The following RBMS2 variants were observed in gnomAD, a reference collection of about 807,000 sequenced individuals.
The protein encoded by RBMS2 is RNA-binding motif, single-stranded-interacting protein 2.
A neutral mutation model predicts 58.4 loss-of-function variants in RBMS2; 38 were observed. The ratio of observed to expected loss-of-function variants is 0.65; its 90% CI spans 0.50 to 0.85. RBMS2 has a LOEUF of 0.85. Among genes scored for constraint, RBMS2 ranks in the 40% least tolerant of loss-of-function variants. The pLI, the probability that RBMS2 is intolerant of heterozygous loss-of-function variation, is 0.00. For synonymous variants in RBMS2, 151 were observed against 180.7 expected, an observed-to-expected ratio of 0.84 and a Z score of 1.32; for missense variants, 367 against 503.7, an observed-to-expected ratio of 0.73 and a Z score of 2.60.
intron 1 of RBMS2, among the ~76,000 whole-genome samples, chr12:56,543,142 G>A (rs919817716): frequency 2.1e-4 from 32 of 151,986 alleles, no homozygotes; most frequent in African/African-American, 7.0e-4. Context: ...CTAAGTGTTG[G>A]GATTACAGGC....
Position 56,587,069 on chromosome 12 carries a change from C to G in RBMS2, c.951+143C>G. Reference sequence around the variant, plus strand: ...TCACCTGAGGTCAGGAGTTCGAGACCAGCCTGGCCAACATGACAAAACCCT... The same window carrying G: ...TCACCTGAGGTCAGGAGTTCGAGACGAGCCTGGCCAACATGACAAAACCCT... On this transcript the variant is annotated intron_variant, in intron 10 of 13. Coordinates refer to ENST00000262031, the MANE Select transcript of RBMS2 (RefSeq NM_002898.4). The G allele has an allele frequency of 4.9e-6, 4 of 812,068 alleles. No homozygotes were observed. In the South Asian group the frequency reaches 6.2e-5, roughly 13 times the overall value. The allele number at this position is 812,068 out of a possible 1,614,324, so 50.3% of individuals were successfully genotyped here. A position where few individuals can be genotyped will look rare whatever the true frequency, so the allele number is the denominator to read the frequency against.
chr12:56,560,285 CTCTT>C (rs1880161178), intron 1 of RBMS2, among the ~76,000 whole-genome samples: 1 of 149,278 alleles, frequency 6.7e-6, no homozygotes, highest in African/African-American at 2.5e-5. Flanking sequence ...GAGACGGAGT[CTCTT>C]TCTGTTGCCC....
intron 1 of RBMS2, among the ~76,000 whole-genome samples, chr12:56,527,662 G>A (rs1872907945): frequency 1.3e-5 from 2 of 151,696 alleles, no homozygotes; most frequent in African/African-American, 4.8e-5. Context: ...AAACTTTAAT[G>A]GCTATATATT....
intron 2 of RBMS2, among the ~76,000 whole-genome samples, chr12:56,566,937 G>A (rs565171213): frequency 6.6e-6 from 1 of 152,342 alleles, no homozygotes; most frequent in Admixed American, 6.5e-5. Flanking sequence ...AAGAGCATTT[G>A]AGGAACTATT....
intron 9 of RBMS2, among the ~76,000 whole-genome samples, chr12:56,582,970 A>G (rs532709170): frequency 1.2e-3 from 178 of 152,226 alleles, no homozygotes; most frequent in African/African-American, 3.8e-3. Flanking sequence ...GGGTTTTAAC[A>G]AGCCCTCCAG....
intron 2 of RBMS2, among the ~76,000 whole-genome samples, chr12:56,564,041 CT>C (rs1047637949): frequency 5.4e-5 from 8 of 147,974 alleles, no homozygotes; most frequent in South Asian, 2.1e-4. Context: ...AGAGAAGAAT[CT>C]TTTTTTTTTA....
At chr12:56,562,366 C>G (rs780822882) in intron 1 of RBMS2, 51 bp from the exon 2 acceptor site, 2 of 1,512,838 alleles carry the variant, frequency 1.3e-6, no homozygotes, top group African/African-American at 1.4e-5. Flanking sequence ...TCCTCACTCT[C>G]CAACATGTAA....
chr12:56,589,147 C>G lies in RBMS2; in HGVS notation c.*14C>G. 1 of 1,553,406 alleles carries G rather than the reference C, an allele frequency of 6.4e-7. No homozygotes were observed. Among genetic ancestry groups the G allele is most frequent in the Non-Finnish European group, 8.7e-7 (1 of 1,147,800 alleles). ...GGCTTGTGCCTTCTTTAGGATTCCCCTCCCCATCTTTACTGAATAGAAATG... is the reference window on the plus strand; with the variant it reads ...GGCTTGTGCCTTCTTTAGGATTCCCGTCCCCATCTTTACTGAATAGAAATG... On this transcript the variant is annotated 3_prime_UTR_variant, in exon 14 of 14. Coordinates refer to ENST00000262031, the MANE Select transcript of RBMS2 (RefSeq NM_002898.4).
rs1309896639 is a variant in RBMS2, at chr12:56,595,762, G to A, written c.*6629G>A. Reference sequence around the variant, plus strand: ...CCCCTTTGCTCCAGCAACTCAGCCAGACATTTAGGCAGGAGCACTAATGAC... The same window carrying A: ...CCCCTTTGCTCCAGCAACTCAGCCAAACATTTAGGCAGGAGCACTAATGAC... On this transcript the variant is annotated 3_prime_UTR_variant, in exon 14 of 14. Coordinates refer to ENST00000262031, the MANE Select transcript of RBMS2 (RefSeq NM_002898.4). The A allele has an allele frequency of 6.6e-6, 1 of 152,608 alleles. No homozygotes were observed. Among genetic ancestry groups the A allele is most frequent in the Non-Finnish European group, 1.5e-5 (1 of 68,068 alleles). The allele number at this position is 152,608 out of a possible 1,614,324, so 9.5% of individuals were successfully genotyped here. A position where few individuals can be genotyped will look rare whatever the true frequency, so the allele number is the denominator to read the frequency against.
At chr12:56,581,558 C>T (rs369777509) in intron 7 of RBMS2, 50 bp downstream of exon 7, 97 of 1,527,222 alleles carry the variant, frequency 6.4e-5, no homozygotes, top group African/African-American at 2.2e-4. Context: ...TAAAGTGGAA[C>T]GGAAATGATC....
intron 5 of RBMS2, among the ~76,000 whole-genome samples, 167 bp from the exon 6 acceptor site, chr12:56,581,017 A>T (rs1383849967): frequency 6.6e-6 from 1 of 152,192 alleles, no homozygotes; most frequent in Admixed American, 6.5e-5. Flanking sequence ...AGCTGGGGTT[A>T]CCTCTTCAAG....
chr12:56,588,539 A>C (rs958122704), intron 12 of RBMS2, 165 bp downstream of exon 12: 2 of 659,950 alleles, frequency 3.0e-6, no homozygotes, highest in African/African-American at 1.8e-5. Flanking sequence ...GGCAGCATGC[A>C]TACTAAAATT....
At chr12:56,571,915 C>A in intron 5 of RBMS2, 60 bp downstream of exon 5, 1 of 1,354,936 alleles carries the variant, frequency 7.4e-7, no homozygotes, top group Non-Finnish European at 9.7e-7. Flanking sequence ...TTGGGGGTCA[C>A]CAGAAAACAA....
chr12:56,538,564 C>A (rs1460648169), intron 1 of RBMS2, among the ~76,000 whole-genome samples: 1 of 150,722 alleles, frequency 6.6e-6, no homozygotes, highest in Non-Finnish European at 1.5e-5. Flanking sequence ...CTTACTGCAA[C>A]CTCCGCCTCC....
chr12:56,587,922 A>G (rs936360220), intron 11 of RBMS2, among the ~76,000 whole-genome samples: 1 of 152,156 alleles, frequency 6.6e-6, no homozygotes, highest in Non-Finnish European at 1.5e-5. Flanking sequence ...ATATTAGTTT[A>G]AGATACACAC....
Position 56,588,920 on chromosome 12 carries a change from G to A in RBMS2, c.1144-12G>A. The A allele has an allele frequency of 6.2e-7, 1 of 1,614,046 alleles. No individual in the cohort carries two copies. Among genetic ancestry groups the A allele is most frequent in the Non-Finnish European group, 8.5e-7 (1 of 1,179,956 alleles). ...ATGCGCAAGATGACCCCCCTCCTTGGCTATGGCACAGGAGAGCAGCGGCCA... is the reference window on the plus strand; with the variant it reads ...ATGCGCAAGATGACCCCCCTCCTTGACTATGGCACAGGAGAGCAGCGGCCA... On this transcript the variant is annotated splice_polypyrimidine_tract_variant and intron_variant, in intron 12 of 13. Transcript: ENST00000262031.
chr12:56,552,922 C>CTTTTTTTTTTTTTTTTTTTTTTTTTT (rs57408592), intron 1 of RBMS2, among the ~76,000 whole-genome samples: 1 of 61,982 alleles, frequency 1.6e-5, no homozygotes, highest in Non-Finnish European at 2.9e-5. Context: ...ATTAAGAGTC[C>CTTTTTTTTTTTTTTTTTTTTTTTTTT]TTTTTTTTTT....
chr12:56,569,871 C>A, intron 3 of RBMS2, 28 bp from the exon 4 acceptor site: 1 of 1,572,438 alleles, frequency 6.4e-7, no homozygotes. Context: ...CCTCCCACTT[C>A]CTAGTGATGC....
chr12:56,536,763 T>C (rs1874954115), intron 1 of RBMS2, among the ~76,000 whole-genome samples: 1 of 151,598 alleles, frequency 6.6e-6, no homozygotes, highest in Non-Finnish European at 1.5e-5. Context: ...GAGACGGGGT[T>C]TCACCATGCT....
Sources: gnomAD v4.1 joint callset for allele counts (sites outside exome capture counted in the v4.1 genomes callset) on GRCh38, gnomAD v4.1.1 for gene constraint, MANE v1.5 for transcripts, NCBI Gene and HGNC (gene_info 2026-07-23, HGNC 2026-07-21) for gene names.